The following CUL2 variants were observed in gnomAD, a reference collection of about 807,000 sequenced individuals.
The protein encoded by CUL2 is cullin 2.
Under a neutral mutation model 110.2 loss-of-function variants are expected in CUL2, and 22 were observed. The ratio of observed to expected loss-of-function variants is 0.20; its 90% CI spans 0.14 to 0.28. The LOEUF (loss-of-function observed/expected upper bound fraction) is 0.28, where lower values mean the gene tolerates loss of function less well. CUL2 is among the 10% of genes least tolerant of loss of function. The pLI is 1.00. For missense variants in CUL2, 631 were observed against 905.5 expected, an observed-to-expected ratio of 0.70 and a Z score of 3.89; for synonymous variants, 279 against 293.2, an observed-to-expected ratio of 0.95 and a Z score of 0.49.
At chr10:35,115,113 G>T (rs960476310) in intron 1 of CUL2, among the ~76,000 whole-genome samples, 1 of 152,134 alleles carries the variant, frequency 6.6e-6, no homozygotes, top group African/African-American at 2.4e-5. Context: ...TCGGGAGGCT[G>T]AGGCAGGAGA....
At chr10:35,046,592 C>T (rs1458617068) in intron 6 of CUL2, among the ~76,000 whole-genome samples, 2 of 152,098 alleles carry the variant, frequency 1.3e-5, no homozygotes, top group African/African-American at 4.8e-5. Flanking sequence ...AACTCATTAT[C>T]TTAAAAACTG....
intron 8 of CUL2, among the ~76,000 whole-genome samples, chr10:35,042,944 AC>A (rs1467184112): frequency 2.0e-5 from 3 of 151,946 alleles, no homozygotes; most frequent in Non-Finnish European, 4.4e-5. Flanking sequence ...GGGATTAGCC[AC>A]TATCTCAAGT....
In CUL2 at chr10:35,029,743, C is replaced by A. The variant is rs528461972; in HGVS notation, c.1387-103G>T. ...ATTGCTAGGTCTTTGATCAAAGGTT[C>A]TTGCATATACACTTATACCCAAGGA... On this transcript the variant is annotated intron_variant, in intron 14 of 20. Coordinates refer to ENST00000374749, the MANE Select transcript of CUL2 (RefSeq NM_003591.4). 6.8e-4 allele frequency: 546 copies of A among 797,984 alleles called. 1 individual carries two copies. The highest frequency in any genetic ancestry group is 9.5e-4 in the Non-Finnish European group (493 of 519,014). 49.4% of individuals were successfully genotyped at this position (797,984 alleles called of 1,614,324 possible). A position where few individuals can be genotyped will look rare whatever the true frequency, so the allele number is the denominator to read the frequency against.
intron 4 of CUL2, among the ~76,000 whole-genome samples, chr10:35,058,831 C>T (rs985377362): frequency 7.9e-5 from 12 of 152,150 alleles, no homozygotes; most frequent in Non-Finnish European, 1.0e-4. Context: ...CTGTGCCTTG[C>T]GTTTTTCCTG....
intron 1 of CUL2, among the ~76,000 whole-genome samples, chr10:35,121,411 G>A (rs1357244883): frequency 6.6e-6 from 1 of 152,146 alleles, no homozygotes; most frequent in Non-Finnish European, 1.5e-5. Flanking sequence ...ATTTTTAGTA[G>A]AGATGGGGTT....
At chr10:35,019,017 A>G (rs2134651429) in intron 17 of CUL2, among the ~76,000 whole-genome samples, 1 of 152,330 alleles carries the variant, frequency 6.6e-6, no homozygotes, top group Admixed American at 6.5e-5. Context: ...CTTGTGCAAA[A>G]AATTATCATT....
intron 8 of CUL2, among the ~76,000 whole-genome samples, chr10:35,041,624 G>A (rs966608757): frequency 2.6e-5 from 4 of 152,120 alleles, no homozygotes; most frequent in Non-Finnish European, 4.4e-5. Context: ...TGCAACTTCC[G>A]CCTCTCAGGC....
intron 8 of CUL2, 62 bp downstream of exon 8, chr10:35,044,504 G>T: frequency 1.9e-6 from 2 of 1,046,652 alleles, no homozygotes; most frequent in Non-Finnish European, 2.8e-6. Context: ...TAAGAACGAT[G>T]TTAAATAAAA....
chr10:35,042,050 G>A (rs951993524), intron 8 of CUL2, among the ~76,000 whole-genome samples: 1 of 151,738 alleles, frequency 6.6e-6, no homozygotes, highest in African/African-American at 2.4e-5. Context: ...TTTTTATGTG[G>A]GCAATTCAGT....
intron 1 of CUL2, among the ~76,000 whole-genome samples, chr10:35,087,327 C>G (rs1381468418): frequency 6.6e-6 from 1 of 152,150 alleles, no homozygotes; most frequent in Non-Finnish European, 1.5e-5. Flanking sequence ...CATTAGTATA[C>G]CAATAAATAA....
chr10:35,118,092 A>T (rs2087631075), intron 1 of CUL2: 1 of 152,236 alleles, frequency 6.6e-6, no homozygotes, highest in African/African-American at 2.4e-5. Flanking sequence ...AGTGATGTAC[A>T]TTCAATGGGT....
intron 1 of CUL2, among the ~76,000 whole-genome samples, chr10:35,073,343 C>T (rs1397875948): frequency 6.6e-6 from 1 of 152,200 alleles, no homozygotes; most frequent in Non-Finnish European, 1.5e-5. Context: ...ATGCCTCCTT[C>T]TCTTCCTTGT....
intron 1 of CUL2, among the ~76,000 whole-genome samples, chr10:35,113,498 CAAAAAA>C (rs59518617): frequency 5.4e-3 from 179 of 33,230 alleles, no homozygotes; most frequent in African/African-American, 0.017. Context: ...GACTCTGCCT[CAAAAAA>C]AAAAAAAAAA....
intron 16 of CUL2, among the ~76,000 whole-genome samples, chr10:35,025,992 A>ATT (rs1292516870): frequency 6.6e-6 from 1 of 152,222 alleles, no homozygotes; most frequent in Non-Finnish European, 1.5e-5. Context: ...GTACTTTAAA[A>ATT]AGGAAGTTCA....
At chr10:35,102,034 G>A (rs904732680) in intron 1 of CUL2, among the ~76,000 whole-genome samples, 1 of 152,146 alleles carries the variant, frequency 6.6e-6, no homozygotes, top group Admixed American at 6.6e-5. Context: ...GAAGTAGAGA[G>A]TTCGAGACCA....
intron 9 of CUL2, among the ~76,000 whole-genome samples, chr10:35,037,180 A>G (rs2085643798): frequency 6.6e-6 from 1 of 152,204 alleles, no homozygotes; most frequent in Non-Finnish European, 1.5e-5. Flanking sequence ...AAAACTCAAT[A>G]GTGAATTGAT....
intron 17 of CUL2, among the ~76,000 whole-genome samples, chr10:35,016,913 C>A (rs1183177035): frequency 3.1e-5 from 4 of 130,156 alleles, no homozygotes; most frequent in Admixed American, 9.1e-5. Flanking sequence ...GGTGACAGAG[C>A]GAGACTCTGT....
intron 9 of CUL2, among the ~76,000 whole-genome samples, chr10:35,037,434 G>T (rs2085650827): frequency 6.6e-6 from 1 of 152,178 alleles, no homozygotes; most frequent in Non-Finnish European, 1.5e-5. Flanking sequence ...TTTACAATAA[G>T]TCTTGCTGGT....
chr10:35,117,818 G>T (rs140596254), intron 1 of CUL2, among the ~76,000 whole-genome samples: 1 of 152,180 alleles, frequency 6.6e-6, no homozygotes, highest in African/African-American at 2.4e-5. Flanking sequence ...AAATTACACT[G>T]CATTACATGT....
Sources: allele counts gnomAD v4.1 joint callset (sites outside exome capture counted in the v4.1 genomes callset), GRCh38; gene constraint gnomAD v4.1.1; transcripts MANE v1.5; gene names NCBI Gene and HGNC (gene_info 2026-07-23, HGNC 2026-07-21).